The following NR2C2 variants were observed in gnomAD, a reference collection of about 807,000 sequenced individuals.
NR2C2 encodes nuclear receptor subfamily 2 group C member 2, also known as Nuclear hormone receptor TR4.
Under a neutral mutation model 62.9 loss-of-function variants are expected in NR2C2, and 6 were observed. That is an observed-to-expected ratio of 0.10 (90% CI 0.05 to 0.19). The LOEUF (loss-of-function observed/expected upper bound fraction) is 0.19. Among genes scored for constraint, NR2C2 ranks in the 10% least tolerant of loss-of-function variants. The pLI, the probability that NR2C2 is intolerant of heterozygous loss-of-function variation, is 1.00. For missense variants in NR2C2, 479 were observed against 762.7 expected, an observed-to-expected ratio of 0.63 and a Z score of 4.38; for synonymous variants, 272 against 273.8, an observed-to-expected ratio of 0.99 and a Z score of 0.07.
chr3:15,002,901 A>AC (rs2124925908), intron 1 of NR2C2, among the ~76,000 whole-genome samples: 1 of 148,022 alleles, frequency 6.8e-6, no homozygotes, highest in East Asian at 2.0e-4. Context: ...CAAGTGATCC[A>AC]CCCACCTCGG....
At chr3:14,955,333 G>A (rs1034261499) in intron 1 of NR2C2, among the ~76,000 whole-genome samples, 6 of 152,152 alleles carry the variant, frequency 3.9e-5, no homozygotes. Flanking sequence ...TGAAACATAA[G>A]TCACATATTA....
rs2125112173 is a variant in NR2C2 at position 15,044,694 on chromosome 3, CA to C, written c.*1687del. ...GATCCCTGGACACTCCCCTGACTCA[CA>C]GGTGCTCTGATCTGGCTCAGGCTGG... On this transcript the variant is annotated 3_prime_UTR_variant, in exon 14 of 14. Coordinates refer to ENST00000425241, the MANE Select transcript of NR2C2 (RefSeq NM_001291694.2). 1 of 152,410 alleles carries C rather than the reference CA, an allele frequency of 6.6e-6. No individual in the cohort carries two copies. Among genetic ancestry groups the C allele is most frequent in the East Asian group, 1.9e-4 (1 of 5,194 alleles). The allele number at this position is 152,410 out of a possible 1,614,324, so 9.4% of individuals were successfully genotyped here.
rs754275673 is a variant in NR2C2 at position 15,038,134 on chromosome 3, C to G, written c.1507C>G (p.Pro503Ala). Residue 503 changes from proline (P) to alanine (A), a missense_variant, in exon 12 of 14, where the codon CCC (proline) becomes GCC (alanine). Pro to Ala is a conservative substitution (Grantham distance 27). Coordinates refer to ENST00000425241, the MANE Select transcript of NR2C2 (RefSeq NM_001291694.2). ...AYLKAIVLFS[P>A]DHPGLTSTSQ... ...CCTTAAAGCTATAGTTCTCTTTAGC[C>G]CCGGTAAGATATGCGGTGGGGATGC... is the stretch of plus-strand genomic sequence containing the variant. 1 of 1,609,698 alleles carries G rather than the reference C, an allele frequency of 6.2e-7. No homozygotes were observed. Among genetic ancestry groups the G allele is most frequent in the Non-Finnish European group, 8.5e-7 (1 of 1,177,954 alleles).
chr3:14,954,917 G>A (rs1050341917), intron 1 of NR2C2, among the ~76,000 whole-genome samples: 5 of 152,074 alleles, frequency 3.3e-5, no homozygotes, highest in African/African-American at 7.2e-5. Context: ...TGCAATCTCC[G>A]CCTCCCAGGT....
At chr3:14,971,904 G>A (rs1193224399) in intron 1 of NR2C2, among the ~76,000 whole-genome samples, 1 of 150,892 alleles carries the variant, frequency 6.6e-6, no homozygotes, top group African/African-American at 2.4e-5. Context: ...CGCCTCCCAG[G>A]TTCAAGCGAT....
rs375365420 is a variant in NR2C2, at chr3:15,015,870, C to T, written c.274-282C>T. On this transcript the variant is annotated intron_variant, in intron 3 of 13. Transcript: ENST00000425241. ...AGCCTGGAGTGCAGTGGTGCGATCT[C>T]GGCTCACTACAACCTCTGCCTCCCG... Among the ~76,000 whole-genome samples, 126 of 152,262 alleles carry T rather than the reference C, an allele frequency of 8.3e-4. 2 individuals carry two copies. The highest frequency in any genetic ancestry group is 6.0e-3 in the East Asian group (31 of 5,186).
intron 10 of NR2C2, among the ~76,000 whole-genome samples, chr3:15,033,968 C>A (rs1458979741): frequency 5.3e-5 from 8 of 152,178 alleles, no homozygotes; most frequent in Non-Finnish European, 7.4e-5. Context: ...GTTCTCACTG[C>A]CTTCCTGTGG....
intron 2 of NR2C2, among the ~76,000 whole-genome samples, chr3:15,011,894 A>G (rs2041365103): frequency 6.6e-6 from 1 of 152,102 alleles, no homozygotes; most frequent in African/African-American, 2.4e-5. Flanking sequence ...TCTCCTTCCC[A>G]ATGTCATGCT....
rs1217169932 is a variant in NR2C2, at chr3:15,045,147, G to GCATC, written c.*2141_*2144dup. On this transcript the variant is annotated 3_prime_UTR_variant, in exon 14 of 14. Transcript: ENST00000425241. Reference sequence around the variant, plus strand: ...TGCTTGTGAAGGCTTTTAGTAGCAGGCATCCTGCAGCTCAGTGGTGCCTCT... The same window carrying GCATC: ...TGCTTGTGAAGGCTTTTAGTAGCAGGCATCCATCCTGCAGCTCAGTGGTGCCTCT... The GCATC allele has an allele frequency of 1.3e-5, 2 of 152,164 alleles. No homozygotes were observed. Among genetic ancestry groups the GCATC allele is most frequent in the Non-Finnish European group, 2.9e-5 (2 of 68,038 alleles). 9.4% of individuals were successfully genotyped at this position (152,164 alleles called of 1,614,324 possible). A position where few individuals can be genotyped will look rare whatever the true frequency, so the allele number is the denominator to read the frequency against.
rs140806381 is a variant in NR2C2, at chr3:14,952,037, C to T, written c.-40+4131C>T. 4.9e-3 allele frequency among the ~76,000 whole-genome samples: 747 copies of T among 152,324 alleles called. 3 individuals carry two copies. Among genetic ancestry groups the T allele is most frequent in the African/African-American group, 0.017 (714 of 41,576 alleles). ...CTGGGATTACAGGTGTGAGCCACTG[C>T]GCCCAGCAACTGGGAAGTTTTTAGC... On this transcript the variant is annotated intron_variant, in intron 1 of 13. Transcript: ENST00000425241.
intron 1 of NR2C2, among the ~76,000 whole-genome samples, chr3:14,977,910 C>T (rs1166372705): frequency 6.7e-6 from 1 of 149,116 alleles, no homozygotes; most frequent in Non-Finnish European, 1.5e-5. Context: ...GATTGTACCA[C>T]TGCACTCCAG....
chr3:14,977,648 G>A (rs531662115), intron 1 of NR2C2, among the ~76,000 whole-genome samples: 2 of 151,960 alleles, frequency 1.3e-5, no homozygotes, highest in Non-Finnish European at 2.9e-5. Flanking sequence ...AATGGCTAAT[G>A]ATCCTCATTG....
At chr3:15,010,666 C>T (rs1053364199) in intron 2 of NR2C2, among the ~76,000 whole-genome samples, 5 of 150,404 alleles carry the variant, frequency 3.3e-5, no homozygotes, top group African/African-American at 1.2e-4. Context: ...GAGCCAGGAT[C>T]GTGCTACTGC....
At chr3:15,013,306 ACTAT>A (rs999865965) in intron 2 of NR2C2, among the ~76,000 whole-genome samples, 4 of 152,188 alleles carry the variant, frequency 2.6e-5, no homozygotes, top group Non-Finnish European at 2.9e-5. Flanking sequence ...AGTTAAACCT[ACTAT>A]TTATTATTGC....
chr3:14,999,482 G>A (rs541476670), intron 1 of NR2C2, among the ~76,000 whole-genome samples: 182 of 152,100 alleles, frequency 1.2e-3, no homozygotes, highest in African/African-American at 4.2e-3. Context: ...CAGAGTAAGA[G>A]ATCTTGTCCC....
rs75650542 is a variant in NR2C2 at position 15,002,364 on chromosome 3, G to A, written c.-39-1512G>A. Among the ~76,000 whole-genome samples, 35 of 152,110 alleles carry A rather than the reference G, an allele frequency of 2.3e-4. No individual in the cohort carries two copies. In the East Asian group the frequency reaches 6.6e-3, roughly 29 times the overall value. On this transcript the variant is annotated intron_variant, in intron 1 of 13. Transcript: ENST00000425241. ...GGCTTCTGTCCTTTATTCCTTTAAT[G>A]CAATGTATAGAACTGTTTGATTTTC...
chr3:15,007,847 C>T (rs956793462), intron 2 of NR2C2, among the ~76,000 whole-genome samples: 15 of 152,196 alleles, frequency 9.9e-5, no homozygotes, highest in Admixed American at 2.6e-4. Context: ...TCACACACAT[C>T]GTATCATTTC....
At chr3:14,999,014 C>CA (rs200716290) in intron 1 of NR2C2, among the ~76,000 whole-genome samples, 94 of 150,406 alleles carry the variant, frequency 6.2e-4, no homozygotes, top group East Asian at 4.7e-3. Flanking sequence ...TCTCAAAAAA[C>CA]AAAAAAAAAA....
chr3:15,038,181 C>T (rs2042157106), intron 12 of NR2C2, 44 bp downstream of exon 12: 2 of 1,555,378 alleles, frequency 1.3e-6, no homozygotes, highest in African/African-American at 1.4e-5. Flanking sequence ...CCACCTGTAT[C>T]TACTGATGTT....
Sources: allele counts gnomAD v4.1 joint callset (sites outside exome capture counted in the v4.1 genomes callset), GRCh38; gene constraint gnomAD v4.1.1; transcripts MANE v1.5; gene names NCBI Gene and HGNC (gene_info 2026-07-23, HGNC 2026-07-21).